Variants in SV2B observed in about 807,000 individuals in gnomAD.
SV2B encodes solute carrier family 22 member B2.
SV2B carries 41 observed loss-of-function variants against 73.9 expected under a neutral mutation model. That is an observed-to-expected ratio of 0.56 (90% CI 0.43 to 0.72). The LOEUF is 0.72. SV2B is among the 30% of genes least tolerant of loss of function. The pLI is 0.00. For missense variants in SV2B, 764 were observed against 857.8 expected (o/e 0.89, Z 1.37); for synonymous variants, 314 against 314.2 (o/e 1.00, Z 0.01).
chr15:91,283,890 T>C lies in SV2B; in HGVS notation c.1508-131T>C. ...GACATGGCCACATATTACCTTGACT[T>C]TGAGGCTGTCTGACTGGCAAAGGCT... On this transcript the variant is annotated intron_variant, in intron 10 of 12. Transcript: ENST00000394232. This position sits in a 1 kb window ranked among gnomAD's most constrained non-coding sequence, Gnocchi z 4.3. 1.3e-6 allele frequency: 1 copy of C among 793,378 alleles called. No individual in the cohort carries two copies. The highest frequency in any genetic ancestry group is 2.0e-6 in the Non-Finnish European group (1 of 510,866). The allele number at this position is 793,378 out of a possible 1,614,324, so 49.1% of individuals were successfully genotyped here. A position where few individuals can be genotyped will look rare whatever the true frequency, so the allele number is the denominator to read the frequency against.
intron 1 of SV2B, among the ~76,000 whole-genome samples, chr15:91,113,250 G>C (rs1325793484): frequency 2.0e-5 from 3 of 152,194 alleles, no homozygotes; most frequent in Non-Finnish European, 4.4e-5. Flanking sequence ...GCAAGTGGGC[G>C]TGGCCACGTA....
rs115452907 is a variant in SV2B at position 91,291,566 on chromosome 15, G to A, written c.1869-803G>A. The stretch of plus-strand genomic sequence containing the variant: ...TTCTCACTGGAAAGTGTGATTGAAA[G>A]ATCATAATTAGGATTAGGTTTTGCT... On this transcript the variant is annotated intron_variant, in intron 12 of 12. Transcript: ENST00000394232. Among the ~76,000 whole-genome samples the A allele has an allele frequency of 6.1e-3, 932 of 152,312 alleles. 9 individuals are homozygous for A. Among genetic ancestry groups the A allele is most frequent in the African/African-American group, 0.021 (890 of 41,568 alleles).
chr15:91,292,730 C>A lies in SV2B; in HGVS notation c.*178C>A. The A allele has an allele frequency of 1.4e-6, 1 of 735,958 alleles. No individual in the cohort carries two copies. Among genetic ancestry groups the A allele is most frequent in the Non-Finnish European group, 2.1e-6 (1 of 486,496 alleles). The allele number at this position is 735,958 out of a possible 1,614,324, so 45.6% of individuals were successfully genotyped here. A position where few individuals can be genotyped will look rare whatever the true frequency, so the allele number is the denominator to read the frequency against. On this transcript the variant is annotated 3_prime_UTR_variant, in exon 13 of 13. Coordinates refer to ENST00000394232, the MANE Select transcript of SV2B (RefSeq NM_001323032.3). ...GTCAATATGTTTGTAACTCAGGTGA[C>A]TGATTTGGGGGTGCCCTGAGCCACC...
chr15:91,195,559 G>T (rs2045216240), intron 1 of SV2B, among the ~76,000 whole-genome samples: 1 of 152,212 alleles, frequency 6.6e-6, no homozygotes, highest in African/African-American at 2.4e-5. Context: ...CGAGGAATAA[G>T]CAACACATTG....
intron 1 of SV2B, among the ~76,000 whole-genome samples, chr15:91,185,972 C>T (rs1298736604): frequency 6.6e-6 from 1 of 152,202 alleles, no homozygotes; most frequent in African/African-American, 2.4e-5. Context: ...AAGATGGGCT[C>T]TCGTTTGTCC....
rs76323910 is a variant in SV2B at position 91,229,423 on chromosome 15, G to A, written c.451+2709G>A. Among the ~76,000 whole-genome samples the A allele has an allele frequency of 0.012, 1,890 of 152,228 alleles. 49 individuals carry two copies. The highest frequency in any genetic ancestry group is 0.12 in the East Asian group (597 of 5,168). On this transcript the variant is annotated intron_variant, in intron 2 of 12. Coordinates refer to ENST00000394232, the MANE Select transcript of SV2B (RefSeq NM_001323032.3). The surrounding 1 kb of genome is among the most constrained non-coding windows in gnomAD (Gnocchi z 4.3). The stretch of plus-strand genomic sequence containing the variant: ...GCCCTCTCAACAATGATTAGTTCTC[G>A]TTACTTTATATTCTGCCATTCTCCC...
At chr15:91,248,168 A>C (rs1202458865) in intron 2 of SV2B, among the ~76,000 whole-genome samples, 2 of 152,070 alleles carry the variant, frequency 1.3e-5, no homozygotes, top group African/African-American at 4.8e-5. Context: ...AAAAATACAA[A>C]AAATTAGCCG....
intron 1 of SV2B, among the ~76,000 whole-genome samples, chr15:91,182,818 C>T (rs984074703): frequency 6.6e-6 from 1 of 152,182 alleles, no homozygotes; most frequent in African/African-American, 2.4e-5. Context: ...CATAATTCTG[C>T]TGGATATTAA....
Position 91,139,899 on chromosome 15 carries a change from C to A in SV2B, c.-392+39536C>A, listed in dbSNP as rs951597587. On this transcript the variant is annotated intron_variant, in intron 1 of 12. Transcript: ENST00000394232. This position sits in a 1 kb window ranked among gnomAD's most constrained non-coding sequence, Gnocchi z 5.2. ...AGCCAAGGAAGGGAGGAAGATCCGG[C>A]CACTTTGTTCCTAGAGTTTGGTGAG... 6.6e-6 allele frequency among the ~76,000 whole-genome samples: 1 copy of A among 152,190 alleles called. No homozygotes were observed. Among genetic ancestry groups the A allele is most frequent in the Non-Finnish European group, 1.5e-5 (1 of 68,036 alleles).
In SV2B at chr15:91,301,986, C is replaced by T. The variant is rs2049458151; in HGVS notation, c.*9434C>T. ...ATATAGTATGGTATAATCACCCCAC[C>T]AAACCTCTTCCAAAAGAAGCCAGGG... On this transcript the variant is annotated 3_prime_UTR_variant, in exon 13 of 13. Coordinates refer to ENST00000394232, the MANE Select transcript of SV2B (RefSeq NM_001323032.3). This position sits in a 1 kb window ranked among gnomAD's most constrained non-coding sequence, Gnocchi z 4.3. Among the ~76,000 whole-genome samples the T allele has an allele frequency of 6.6e-6, 1 of 152,194 alleles. No homozygotes were observed. Among genetic ancestry groups the T allele is most frequent in the Admixed American group, 6.5e-5 (1 of 15,280 alleles).
At position 91,204,974 on chromosome 15, in the gene SV2B, C is replaced by T. The variant is rs573277595; in HGVS notation, c.-391-20899C>T. On this transcript the variant is annotated intron_variant, in intron 1 of 12. Transcript: ENST00000394232. The stretch of plus-strand genomic sequence containing the variant: ...AGACCTAACTTGCATGAGGTCTTTG[C>T]TTGCATTCAAATCCAGGTTGATCTG... 3.0e-4 allele frequency among the ~76,000 whole-genome samples: 45 copies of T among 152,258 alleles called. No individual in the cohort carries two copies. In the South Asian group the frequency reaches 8.5e-3, roughly 29 times the overall value.
At chr15:91,169,621 G>A (rs2044047641) in intron 1 of SV2B, among the ~76,000 whole-genome samples, 1 of 152,296 alleles carries the variant, frequency 6.6e-6, no homozygotes, top group Middle Eastern at 3.4e-3. Context: ...GGAAAAGCAG[G>A]CGAGACCCTA....
At position 91,135,388 on chromosome 15, in the gene SV2B, G is replaced by A. The variant is rs192630440; in HGVS notation, c.-392+35025G>A. 5.6e-4 allele frequency among the ~76,000 whole-genome samples: 85 copies of A among 152,286 alleles called. 1 individual carries two copies. Among genetic ancestry groups the A allele is most frequent in the Admixed American group, 4.1e-3 (63 of 15,304 alleles). On this transcript the variant is annotated intron_variant, in intron 1 of 12. Transcript: ENST00000394232. ...GCTTCACCTCAGATTCTCCCGTGTC[G>A]GGGGTGTCATACTTCTCAGTTGACA...
chr15:91,118,963 G>C lies in SV2B; in HGVS notation c.-392+18600G>C, dbSNP rs1190766426. On this transcript the variant is annotated intron_variant, in intron 1 of 12. Transcript: ENST00000394232. The surrounding 1 kb of genome is among the most constrained non-coding windows in gnomAD (Gnocchi z 4.7). ...TCTCGGCTTGGAGGCAGGGCCTGTGGGGGTGGGCGTGCTGGCTGATCCGCT... is the reference window on the plus strand; with the variant it reads ...TCTCGGCTTGGAGGCAGGGCCTGTGCGGGTGGGCGTGCTGGCTGATCCGCT... Among the ~76,000 whole-genome samples, 4 of 152,148 alleles carry C rather than the reference G, an allele frequency of 2.6e-5. No homozygotes were observed. Among genetic ancestry groups the C allele is most frequent in the African/African-American group, 2.4e-5 (1 of 41,428 alleles).
In SV2B at chr15:91,226,283, A is replaced by G. The variant is rs762705345; in HGVS notation, c.20A>G (p.Gln7Arg). The G allele has an allele frequency of 1.2e-6, 2 of 1,614,066 alleles. No homozygotes were observed. Among genetic ancestry groups the G allele is most frequent in the African/African-American group, 2.7e-5 (2 of 74,932 alleles). Residue 7 changes from glutamine to arginine, a missense_variant, in exon 2 of 13, where the codon CAG becomes CGG. Coordinates refer to ENST00000394232, the MANE Select transcript of SV2B (RefSeq NM_001323032.3). The stretch of plus-strand genomic sequence containing the variant: ...CAAGGAATGGATGACTACAAGTATC[A>G]GGACAATTATGGGGGCTATGCTCCC... MDDYKY[Q>R]DNYGGYAPSD...
chr15:91,263,489 C>G, intron 6 of SV2B, among the ~76,000 whole-genome samples: 1 of 151,618 alleles, frequency 6.6e-6, no homozygotes, highest in Admixed American at 6.6e-5. Context: ...CACACACACA[C>G]AGATACACAT....
rs74979584 is a variant in SV2B at position 91,261,484 on chromosome 15, C to T, written c.1008+1075C>T. ...GAAGCTTGTTTATCCAGTTTTACTACCTTGTTCCTGTAAATATTAGTGCAA... is the reference window on the plus strand; with the variant it reads ...GAAGCTTGTTTATCCAGTTTTACTATCTTGTTCCTGTAAATATTAGTGCAA... On this transcript the variant is annotated intron_variant, in intron 6 of 12. Coordinates refer to ENST00000394232, the MANE Select transcript of SV2B (RefSeq NM_001323032.3). The surrounding 1 kb of genome is among the most constrained non-coding windows in gnomAD (Gnocchi z 4.7). 2.6e-3 allele frequency among the ~76,000 whole-genome samples: 392 copies of T among 152,204 alleles called. No homozygotes were observed. The highest frequency in any genetic ancestry group is 9.0e-3 in the African/African-American group (373 of 41,528).
intron 1 of SV2B, among the ~76,000 whole-genome samples, chr15:91,107,022 T>G (rs1049912651): frequency 6.6e-6 from 1 of 152,166 alleles, no homozygotes; most frequent in Non-Finnish European, 1.5e-5. Context: ...TTTGCAATGA[T>G]GTTGGTGAAG....
chr15:91,268,579 C>T lies in SV2B; in HGVS notation c.1347C>T (p.His449=), dbSNP rs778586878. Residue 449 remains histidine, a synonymous_variant, in exon 9 of 13, where the codon CAC becomes CAT. Transcript: ENST00000394232. This position sits in a 1 kb window ranked among gnomAD's most constrained non-coding sequence, Gnocchi z 4.4. ...TINFTMENQI[H]QHGKLVNDKF... ...ACTTCACGATGGAAAATCAGATCCA[C>T]CAACATGGGAAACTTGTGAATGATA... The T allele has an allele frequency of 6.8e-6, 11 of 1,613,438 alleles. No homozygotes were observed. Among genetic ancestry groups the T allele is most frequent in the Non-Finnish European group, 9.3e-6 (11 of 1,179,450 alleles).
Sources: gnomAD v4.1 joint callset for allele counts (sites outside exome capture counted in the v4.1 genomes callset) on GRCh38, gnomAD v4.1.1 for gene constraint, Gnocchi (gnomAD v3.1) non-coding constraint, MANE v1.5 for transcripts, NCBI Gene and HGNC (gene_info 2026-07-23, HGNC 2026-07-21) for gene names.